DLC1: variants seen among roughly 807,000 people sequenced by gnomAD.
DLC1 encodes rho GTPase-activating protein 7.
A neutral mutation model predicts 140.3 loss-of-function variants in DLC1; 54 were observed. The ratio of observed to expected loss-of-function variants is 0.38; its 90% CI spans 0.31 to 0.48. DLC1 has a LOEUF of 0.48. DLC1 is among the 20% of genes least tolerant of loss of function. The pLI, the probability that DLC1 is intolerant of heterozygous loss-of-function variation, is 0.96. For synonymous variants in DLC1, 986 were observed against 728.1 expected (o/e 1.35, Z -5.70); for missense variants, 2,536 against 1,907.0 (o/e 1.33, Z -6.14).
At chr8:13,525,258 T>C (rs1165764362) in intron 1 of DLC1, among the ~76,000 whole-genome samples, 1 of 152,178 alleles carries the variant, frequency 6.6e-6, no homozygotes, top group African/African-American at 2.4e-5. Context: ...GGCAGTAACA[T>C]TGGGATATTG....
In DLC1 at chr8:13,351,163, G is replaced by A. The variant is rs964933560; in HGVS notation, c.1314+42390C>T. ...TTCAAATAACGAGGCTATTTATTCA[G>A]CAAACATGTGTATAGTATCTGTTCT... On this transcript the variant is annotated intron_variant, in intron 4 of 17. Coordinates refer to ENST00000276297, the MANE Select transcript of DLC1 (RefSeq NM_182643.3). Among the ~76,000 whole-genome samples, 4 of 152,278 alleles carry A rather than the reference G, an allele frequency of 2.6e-5. No homozygotes were observed. In the East Asian group the frequency reaches 7.7e-4, roughly 29 times the overall value.
intron 5 of DLC1, among the ~76,000 whole-genome samples, chr8:13,266,776 A>G (rs774791075): frequency 1.3e-5 from 2 of 152,150 alleles, no homozygotes; most frequent in Non-Finnish European, 2.9e-5. Flanking sequence ...ACAAAAAAAG[A>G]GAAAGCCCTT....
intron 4 of DLC1, among the ~76,000 whole-genome samples, chr8:13,318,622 G>T (rs1832955361): frequency 6.6e-6 from 1 of 152,156 alleles, no homozygotes; most frequent in South Asian, 2.1e-4. Flanking sequence ...TATTGGTATG[G>T]ATTTTAATTG....
At chr8:13,449,199 T>C (rs2116959522) in intron 2 of DLC1, among the ~76,000 whole-genome samples, 1 of 152,324 alleles carries the variant, frequency 6.6e-6, no homozygotes, top group South Asian at 2.1e-4. Context: ...TGTAGAAAGC[T>C]AAATATATTG....
In DLC1 at chr8:13,597,489, T is replaced by C. The variant is rs968242041; in HGVS notation, c.-126+7048A>G. Reference sequence around the variant, plus strand: ...CATCTCGTTTCCTGAGCTATGTTTGTCAGCATAATAGTAACTCTGGGTGTT... The same window carrying C: ...CATCTCGTTTCCTGAGCTATGTTTGCCAGCATAATAGTAACTCTGGGTGTT... On this transcript the variant is annotated intron_variant, in intron 1 of 1. Transcript: ENST00000631382. Among the ~76,000 whole-genome samples the C allele has an allele frequency of 3.3e-5, 5 of 152,112 alleles. No homozygotes were observed. In the East Asian group the frequency reaches 5.8e-4, roughly 18 times the overall value.
chr8:13,173,279 A>G (rs878930953), intron 5 of DLC1, among the ~76,000 whole-genome samples: 4 of 149,928 alleles, frequency 2.7e-5, no homozygotes, highest in African/African-American at 7.4e-5. Context: ...TAAGCTTTCT[A>G]TATTTTCTTC....
At chr8:13,291,427 A>G (rs1021879791) in intron 5 of DLC1, among the ~76,000 whole-genome samples, 1 of 151,468 alleles carries the variant, frequency 6.6e-6, no homozygotes, top group African/African-American at 2.4e-5. Context: ...CTGCTCCATG[A>G]TATTAACTTC....
intron 1 of DLC1, among the ~76,000 whole-genome samples, chr8:13,538,349 G>C (rs1405296072): frequency 6.6e-6 from 1 of 150,852 alleles, no homozygotes; most frequent in Admixed American, 6.6e-5. Flanking sequence ...TCCCAAAATA[G>C]TGGTGCCAGC....
intron 5 of DLC1, among the ~76,000 whole-genome samples, chr8:13,225,585 A>G (rs959307589): frequency 6.6e-6 from 1 of 151,482 alleles, no homozygotes; most frequent in Non-Finnish European, 1.5e-5. Flanking sequence ...TTTTACAAAA[A>G]TTGATTAATC....
intron 1 of DLC1, among the ~76,000 whole-genome samples, chr8:13,543,852 C>T (rs957674615): frequency 2.5e-4 from 38 of 151,712 alleles, no homozygotes; most frequent in African/African-American, 3.4e-4. Flanking sequence ...GAGGGGAGGG[C>T]GAGTGGGAAG....
chr8:13,163,882 C>T (rs929192767), intron 5 of DLC1, among the ~76,000 whole-genome samples: 3 of 152,096 alleles, frequency 2.0e-5, no homozygotes, highest in East Asian at 1.9e-4. Context: ...TGATGCATGC[C>T]CAGTCCGGGC....
intron 5 of DLC1, among the ~76,000 whole-genome samples, chr8:13,202,440 T>G (rs1327316622): frequency 1.3e-5 from 2 of 152,168 alleles, no homozygotes; most frequent in East Asian, 1.9e-4. Flanking sequence ...ATATCAAGTT[T>G]GTATTCCTGG....
At chr8:13,378,118 T>C (rs1306844974) in intron 4 of DLC1, among the ~76,000 whole-genome samples, 1 of 142,234 alleles carries the variant, frequency 7.0e-6, no homozygotes, top group Non-Finnish European at 1.6e-5. Context: ...TTAGGGTACA[T>C]GTGCACAATG....
chr8:13,282,675 A>T (rs1291069105), intron 5 of DLC1, among the ~76,000 whole-genome samples: 37 of 152,040 alleles, frequency 2.4e-4, no homozygotes, highest in Non-Finnish European at 4.4e-5. Flanking sequence ...ACCATGTAAA[A>T]TTACAGTGTG....
chr8:13,601,672 C>T (rs138785325), intron 1 of DLC1, among the ~76,000 whole-genome samples: 31 of 150,842 alleles, frequency 2.1e-4, no homozygotes, highest in African/African-American at 4.9e-4. Flanking sequence ...AAAACAACAA[C>T]GACAACAAAA....
chr8:13,359,866 T>C (rs1835140232), intron 4 of DLC1, among the ~76,000 whole-genome samples: 2 of 152,226 alleles, frequency 1.3e-5, no homozygotes, highest in Non-Finnish European at 2.9e-5. Context: ...GTTCTCATGC[T>C]ATTCAGGCCA....
intron 1 of DLC1, among the ~76,000 whole-genome samples, chr8:13,586,587 ATG>A (rs1805322154): frequency 9.4e-6 from 1 of 106,920 alleles, no homozygotes; most frequent in African/African-American, 3.8e-5. Context: ...GCAGATGCAC[ATG>A]CACACACACA....
intron 5 of DLC1, among the ~76,000 whole-genome samples, chr8:13,201,134 C>T: frequency 7.0e-6 from 1 of 143,842 alleles, no homozygotes; most frequent in East Asian, 2.2e-4. Context: ...AACAAGGAAA[C>T]AAGGAAAAAA....
chr8:13,601,023 C>T (rs1805862702), intron 1 of DLC1, among the ~76,000 whole-genome samples: 1 of 151,768 alleles, frequency 6.6e-6, no homozygotes, highest in African/African-American at 2.4e-5. Flanking sequence ...TTTTGAGTCT[C>T]ATAAACTTTT....
Sources: gnomAD v4.1 joint callset for allele counts (sites outside exome capture counted in the v4.1 genomes callset) on GRCh38, gnomAD v4.1.1 for gene constraint, MANE v1.5 for transcripts, NCBI Gene and HGNC (gene_info 2026-07-23, HGNC 2026-07-21) for gene names.